Variants in ABCA4 observed in about 807,000 individuals in gnomAD.
ABCA4 encodes ATP binding cassette subfamily A member 4.
In ABCA4, 196 loss-of-function variants were observed where a neutral mutation model predicts 263.7. The ratio of observed to expected loss-of-function variants is 0.74; its 90% confidence interval spans 0.66 to 0.84. The LOEUF (loss-of-function observed/expected upper bound fraction) is 0.84, where lower values mean the gene tolerates loss of function less well. Among genes scored for constraint, ABCA4 ranks in the 40% least tolerant of loss-of-function variants. The probability of loss-of-function intolerance (pLI) is 0.00; values close to 1 mark genes in which losing one functional copy is unlikely to be tolerated. For missense variants in ABCA4, 2,792 were observed against 2,855.1 expected, an observed-to-expected ratio of 0.98 and a Z score of 0.50; for synonymous variants, 1,133 against 1,094.2, an observed-to-expected ratio of 1.04 and a Z score of -0.70.
intron 35 of ABCA4, among the ~76,000 whole-genome samples, chr1:94,020,601 A>C (rs1659869472): frequency 6.6e-6 from 1 of 152,236 alleles, no homozygotes; most frequent in African/African-American, 2.4e-5. Flanking sequence ...GCCAAGGCCC[A>C]GGTTTTAGTG....
chr1:94,002,207 C>T lies in ABCA4; in HGVS notation c.6148-215G>A, dbSNP rs17110768. Among the ~76,000 whole-genome samples the T allele has an allele frequency of 0.13, 19,419 of 152,196 alleles. 2,083 individuals are homozygous for T. The highest frequency in any genetic ancestry group is 0.29 in the African/African-American group (12,160 of 41,496). On this transcript the variant is annotated intron_variant, in intron 44 of 49. Transcript: ENST00000370225. ...TGTCTTGGATCCCAGGGTGGCCCAG[C>T]CTGCTCAGCATCTGTTGGGTGTAGC...
chr1:94,008,788 T>C lies in ABCA4; in HGVS notation c.5798A>G (p.Asn1933Ser). Residue 1933 changes from asparagine (N) to serine (S), a missense_variant, in exon 41 of 50, where the codon AAT (asparagine) becomes AGT (serine). By Grantham distance (46) the Asn-to-Ser change is conservative. Coordinates refer to ENST00000370225, the MANE Select transcript of ABCA4 (RefSeq NM_000350.3). ...ATGTAGCCTTAAGATGTCAGTTTTA[T>C]TTCCACCAGTAATAATTCTTTGTCT... is the stretch of plus-strand genomic sequence containing the variant. Reference protein sequence around the residue: ...EERQRIITGGNKTDILRLHEL... With the variant: ...EERQRIITGGSKTDILRLHEL... 1.9e-6 allele frequency: 3 copies of C among 1,614,080 alleles called. No individual in the cohort carries two copies. The highest frequency in any genetic ancestry group is 4.5e-5 in the East Asian group (2 of 44,864).
intron 36 of ABCA4, chr1:94,019,374 A>G: frequency 1.7e-6 from 1 of 598,272 alleles, no homozygotes; most frequent in Middle Eastern, 4.6e-4. Flanking sequence ...GCTGCACCCC[A>G]CAGCCTTTCC....
intron 33 of ABCA4, 36 bp from the exon 34 acceptor site, chr1:94,021,750 T>A: frequency 6.2e-7 from 1 of 1,610,178 alleles, no homozygotes; most frequent in Non-Finnish European, 8.5e-7. Flanking sequence ...AAGACGGTTT[T>A]AATTTTTTTT....
chr1:94,043,494 G>C lies in ABCA4; in HGVS notation c.3051-19C>G, dbSNP rs375804885. Reference sequence around the variant, plus strand: ...CGTGAGGCTAGGAGGATGGGACAACGAGAAAAGCAGTGGCTTAGCACTTCC... The same window carrying C: ...CGTGAGGCTAGGAGGATGGGACAACCAGAAAAGCAGTGGCTTAGCACTTCC... On this transcript the variant is annotated intron_variant, in intron 20 of 49. Coordinates refer to ENST00000370225, the MANE Select transcript of ABCA4 (RefSeq NM_000350.3). The C allele has an allele frequency of 2.4e-5, 38 of 1,614,020 alleles. No homozygotes were observed. In the African/African-American group the frequency reaches 4.7e-4, roughly 20 times the overall value.
chr1:94,044,966 G>C (rs1660633876), intron 19 of ABCA4, among the ~76,000 whole-genome samples: 1 of 152,188 alleles, frequency 6.6e-6, no homozygotes, highest in South Asian at 2.1e-4. Context: ...GCTTCTACTT[G>C]TTTCATGGTG....
At chr1:94,003,248 T>A (rs1238584383) in intron 44 of ABCA4, among the ~76,000 whole-genome samples, 2 of 152,226 alleles carry the variant, frequency 1.3e-5, no homozygotes, top group Non-Finnish European at 2.9e-5. Context: ...TAGTCTATTG[T>A]CTGCTATTCA....
intron 47 of ABCA4, among the ~76,000 whole-genome samples, chr1:93,998,575 C>G (rs906406090): frequency 2.0e-5 from 3 of 152,050 alleles, no homozygotes; most frequent in African/African-American, 7.2e-5. Flanking sequence ...TGTGTACATA[C>G]TGAAAACTAG....
intron 31 of ABCA4, 76 bp downstream of exon 31, chr1:94,024,878 G>A: frequency 7.6e-7 from 1 of 1,319,748 alleles, no homozygotes; most frequent in Non-Finnish European, 1.1e-6. Flanking sequence ...AATTGAGAGA[G>A]AAAATTATCT....
At position 94,072,400 on chromosome 1, in the gene ABCA4, A is replaced by T. The variant is rs1292564872; in HGVS notation, c.1554+5290T>A. Among the ~76,000 whole-genome samples the T allele has an allele frequency of 5.3e-5, 8 of 152,218 alleles. No individual in the cohort carries two copies. In the South Asian group the frequency reaches 8.3e-4, roughly 16 times the overall value. ...ATATCAGCTTCCTGATGTGAAATTC[A>T]AGACCTGAAAATCAAATATATTATG... is the stretch of plus-strand genomic sequence containing the variant. On this transcript the variant is annotated intron_variant, in intron 11 of 49. Transcript: ENST00000370225.
At chr1:94,033,080 T>G (rs904004558) in intron 26 of ABCA4, among the ~76,000 whole-genome samples, 2 of 152,176 alleles carry the variant, frequency 1.3e-5, no homozygotes, top group Non-Finnish European at 2.9e-5. Context: ...ATACATAAAT[T>G]TGGGGAAGTG....
Position 94,010,808 on chromosome 1 carries a change from G to A in ABCA4, c.5706C>T (p.Leu1902=). The change falls in exon 40 of 50, where the codon CTC becomes CTT. Residue 1902 remains leucine, a synonymous_variant. Transcript: ENST00000370225. The stretch of plus-strand genomic sequence containing the variant: ...GTGTGGCATGGACGTACCATTGGGA[G>A]AGGAAGAAGTGGCGCTGGACCAGCA... ...LTLLVQRHFF[L]SQWIAEPTKE... The A allele has an allele frequency of 1.2e-6, 2 of 1,614,172 alleles. No homozygotes were observed. The highest frequency in any genetic ancestry group is 1.7e-6 in the Non-Finnish European group (2 of 1,180,026).
intron 6 of ABCA4, among the ~76,000 whole-genome samples, chr1:94,085,132 C>T (rs56864254): frequency 1.1e-3 from 169 of 150,968 alleles, no homozygotes; most frequent in African/African-American, 3.7e-3. Flanking sequence ...TGGGTATGAT[C>T]ATAGCATGGT....
intron 13 of ABCA4, 145 bp from the exon 14 acceptor site, chr1:94,060,904 G>A (rs975535924): frequency 5.4e-6 from 4 of 737,458 alleles, no homozygotes; most frequent in Admixed American, 2.1e-5. Context: ...CATTTAATGG[G>A]CTGGAATCTT....
chr1:94,023,555 T>C (rs1268953383), intron 31 of ABCA4, 137 bp from the exon 32 acceptor site: 1 of 768,516 alleles, frequency 1.3e-6, no homozygotes, highest in Non-Finnish European at 2.3e-6. Flanking sequence ...ATCCAAGCAA[T>C]GCGGAAGCCG....
chr1:94,043,542 G>C (rs1361817219), intron 20 of ABCA4, 67 bp from the exon 21 acceptor site: 2 of 1,596,990 alleles, frequency 1.3e-6, no homozygotes. Context: ...TGATCTTACA[G>C]AAATAATTGA....
chr1:94,083,414 G>T lies in ABCA4; in HGVS notation c.796C>A (p.Gln266Lys), dbSNP rs764368214. ...CCCCAAGATCTCAGATTGATACCTT[G>T]AGAACGGCTGTCTAGGAGTGTGGGA... ...VLPTLLDSRSQGINLRSWGGI... is the reference protein window; with the variant it reads ...VLPTLLDSRSKGINLRSWGGI... The change falls in exon 7 of 50, where the codon CAA (glutamine) becomes AAA (lysine). Residue 266 changes from glutamine to lysine, a missense_variant. By Grantham distance (53) the Gln-to-Lys change is moderately conservative (BLOSUM62 1). Transcript: ENST00000370225. 6.2e-7 allele frequency: 1 copy of T among 1,613,724 alleles called. No homozygotes were observed. The highest frequency in any genetic ancestry group is 2.2e-5 in the East Asian group (1 of 44,864).
rs78684119 is a variant in ABCA4 at position 94,069,066 on chromosome 1, C to G, written c.1555-5749G>C. On this transcript the variant is annotated intron_variant, in intron 11 of 49. Transcript: ENST00000370225. ...TTGTTGGTTGTTTTGCTGGCACTCA[C>G]CAGGAAGCAGAGTTCACCCTGGCGG... Among the ~76,000 whole-genome samples, 773 of 152,332 alleles carry G rather than the reference C, an allele frequency of 5.1e-3. 5 individuals carry two copies. The highest frequency in any genetic ancestry group is 0.018 in the African/African-American group (741 of 41,572).
In ABCA4 at chr1:94,030,375, G is replaced by A. The variant is rs192717887; in HGVS notation, c.4352+53C>T. On this transcript the variant is annotated intron_variant, in intron 29 of 49. Coordinates refer to ENST00000370225, the MANE Select transcript of ABCA4 (RefSeq NM_000350.3). The stretch of plus-strand genomic sequence containing the variant: ...CGCCTGCCATCTTGAACCCACCGTT[G>A]GGTCCTCCCAGGGGAGCTAGTCTTC... 782 of 1,545,406 alleles carry A rather than the reference G, an allele frequency of 5.1e-4. 12 individuals are homozygous for A. In the South Asian group the frequency reaches 5.7e-3, roughly 11 times the overall value.
Sources: allele counts gnomAD v4.1 joint callset (sites outside exome capture counted in the v4.1 genomes callset), GRCh38; gene constraint gnomAD v4.1.1; transcripts MANE v1.5; gene names NCBI Gene and HGNC (gene_info 2026-07-23, HGNC 2026-07-21).